The following SKAP2 variants were observed in gnomAD, a reference collection of about 807,000 sequenced individuals.
The protein encoded by SKAP2 is src kinase-associated phosphoprotein 2.
In SKAP2, 28 loss-of-function variants were observed where a neutral mutation model predicts 54.9. The ratio of observed to expected loss-of-function variants is 0.51; its 90% CI spans 0.38 to 0.70. The LOEUF (loss-of-function observed/expected upper bound fraction) is 0.70. Ranked by LOEUF, SKAP2 falls within the 30% of genes least tolerant of loss-of-function variation. The pLI, the probability that SKAP2 is intolerant of heterozygous loss-of-function variation, is 0.00. For synonymous variants in SKAP2, 137 were observed against 134.3 expected (o/e 1.02, Z -0.14); for missense variants, 356 against 424.1 (o/e 0.84, Z 1.41).
chr7:26,718,802 C>A (rs1326205698), intron 9 of SKAP2, among the ~76,000 whole-genome samples: 1 of 152,146 alleles, frequency 6.6e-6, no homozygotes, highest in East Asian at 1.9e-4. Context: ...CTGCACCCAG[C>A]CCCACTTTTT....
chr7:26,686,365 G>A (rs212852), intron 10 of SKAP2, among the ~76,000 whole-genome samples: 78,692 of 151,696 alleles, frequency 0.52, 21,661 homozygotes, highest in East Asian at 0.88. Flanking sequence ...GAGAAAGGAG[G>A]AGGCAGTGGG....
chr7:26,767,706 AT>A (rs1405018026), intron 4 of SKAP2, among the ~76,000 whole-genome samples: 1 of 152,048 alleles, frequency 6.6e-6, no homozygotes, highest in Admixed American at 6.5e-5. Flanking sequence ...TTCTGCCTTA[AT>A]TTCGTTATTT....
At chr7:26,674,648 A>AC (rs1365036787) in intron 11 of SKAP2, among the ~76,000 whole-genome samples, 2 of 152,188 alleles carry the variant, frequency 1.3e-5, no homozygotes, top group African/African-American at 4.8e-5. Flanking sequence ...CTGATTGAAG[A>AC]CACTAAGTTC....
At chr7:26,862,438 C>A (rs1785288778) in intron 1 of SKAP2, among the ~76,000 whole-genome samples, 1 of 143,338 alleles carries the variant, frequency 7.0e-6, no homozygotes, top group African/African-American at 2.5e-5. Context: ...ATTTCCAATT[C>A]CAAAAGTTTT....
At chr7:26,682,015 A>T (rs1477867125) in intron 11 of SKAP2, among the ~76,000 whole-genome samples, 2 of 152,194 alleles carry the variant, frequency 1.3e-5, no homozygotes, top group African/African-American at 4.8e-5. Context: ...CGTAAAAAAA[A>T]ACAGAAAGGT....
At chr7:26,823,945 GACA>G (rs1784436622) in intron 4 of SKAP2, among the ~76,000 whole-genome samples, 2 of 152,202 alleles carry the variant, frequency 1.3e-5, no homozygotes, top group Non-Finnish European at 2.9e-5. Context: ...CTGTTGAAAT[GACA>G]ACAATTAATT....
In SKAP2 at chr7:26,688,820, C is replaced by G. The variant is rs138202610; in HGVS notation, c.874+1465G>C. Among the ~76,000 whole-genome samples the G allele has an allele frequency of 4.8e-3, 724 of 152,186 alleles. 6 individuals carry two copies. Among genetic ancestry groups the G allele is most frequent in the African/African-American group, 0.017 (696 of 41,514 alleles). On this transcript the variant is annotated intron_variant, in intron 10 of 12. Coordinates refer to ENST00000345317, the MANE Select transcript of SKAP2 (RefSeq NM_003930.5). Reference sequence around the variant, plus strand: ...AAAATATTTGTATCTGTGGAAGAACCATCTGTATGTATCCACTTTCTATAC... The same window carrying G: ...AAAATATTTGTATCTGTGGAAGAACGATCTGTATGTATCCACTTTCTATAC...
chr7:26,795,747 A>C (rs1459041182), intron 4 of SKAP2, among the ~76,000 whole-genome samples: 1 of 152,208 alleles, frequency 6.6e-6, no homozygotes, highest in Non-Finnish European at 1.5e-5. Context: ...GAAACTTAGT[A>C]AGTCACTTAA....
At chr7:26,663,846 A>T (rs1305861924), downstream of SKAP2, among the ~76,000 whole-genome samples, 2 of 151,834 alleles carry the variant, frequency 1.3e-5, no homozygotes, top group African/African-American at 4.8e-5. Flanking sequence ...TTGACTTCCT[A>T]TTTTCATCTG....
chr7:26,858,731 C>A (rs1785224000), intron 1 of SKAP2, among the ~76,000 whole-genome samples: 1 of 152,102 alleles, frequency 6.6e-6, no homozygotes, highest in Non-Finnish European at 1.5e-5. Context: ...CTACACAGAT[C>A]ACATAGTGAA....
chr7:26,659,451 C>T, the SKAP2 span, among the ~76,000 whole-genome samples: 1 of 152,068 alleles, frequency 6.6e-6, no homozygotes, highest in Non-Finnish European at 1.5e-5. Flanking sequence ...AAAACACCAA[C>T]ACATAAAAAT....
intron 4 of SKAP2, among the ~76,000 whole-genome samples, chr7:26,787,830 C>T (rs575286467): frequency 6.6e-6 from 1 of 152,210 alleles, no homozygotes; most frequent in African/African-American, 2.4e-5. Context: ...CCCATCAGGC[C>T]CCACCTCTAA....
At chr7:26,730,006 G>A (rs1413601891) in intron 6 of SKAP2, among the ~76,000 whole-genome samples, 1 of 152,050 alleles carries the variant, frequency 6.6e-6, no homozygotes, top group Admixed American at 6.6e-5. Flanking sequence ...AGGGATATGG[G>A]CCCAGAAAGG....
intron 11 of SKAP2, among the ~76,000 whole-genome samples, chr7:26,674,934 G>A (rs755099557): frequency 3.3e-5 from 5 of 152,074 alleles, no homozygotes; most frequent in Non-Finnish European, 7.4e-5. Context: ...CTGGTGATTC[G>A]CAGATAATGT....
intron 6 of SKAP2, among the ~76,000 whole-genome samples, chr7:26,735,904 G>C (rs1451954489): frequency 6.6e-6 from 1 of 151,982 alleles, no homozygotes; most frequent in Non-Finnish European, 1.5e-5. Flanking sequence ...AGAGGAACTG[G>C]CTAAAAATTT....
intron 3 of SKAP2, among the ~76,000 whole-genome samples, chr7:26,851,458 T>C (rs1785041228): frequency 6.6e-6 from 1 of 151,728 alleles, no homozygotes. Flanking sequence ...CAGCAAACTA[T>C]TGCAAGGACA....
chr7:26,728,040 A>ATGTTAGG lies in SKAP2; in HGVS notation c.470-1041_470-1035dup, dbSNP rs374676470. Among the ~76,000 whole-genome samples the ATGTTAGG allele has an allele frequency of 4.7e-3, 712 of 152,296 alleles. 6 individuals carry two copies. Among genetic ancestry groups the ATGTTAGG allele is most frequent in the African/African-American group, 0.016 (672 of 41,570 alleles). On this transcript the variant is annotated intron_variant, in intron 6 of 12. Transcript: ENST00000345317. Reference sequence around the variant, plus strand: ...GTTAAATGCCTAAAGTAACTAACATATGTTAGGTCATAGAGATTATATCTT... The same window carrying ATGTTAGG: ...GTTAAATGCCTAAAGTAACTAACATATGTTAGGTGTTAGGTCATAGAGATTATATCTT...
intron 11 of SKAP2, among the ~76,000 whole-genome samples, chr7:26,683,216 G>T (rs1444551877): frequency 6.6e-6 from 1 of 152,212 alleles, no homozygotes; most frequent in Non-Finnish European, 1.5e-5. Context: ...CTTGACAGGA[G>T]CTGAAACTAA....
At chr7:26,732,914 A>G (rs991951283) in intron 6 of SKAP2, among the ~76,000 whole-genome samples, 4 of 152,226 alleles carry the variant, frequency 2.6e-5, no homozygotes, top group Non-Finnish European at 5.9e-5. Context: ...AAATCCTACT[A>G]AACATCAGAT....
Sources: allele counts gnomAD v4.1 joint callset (sites outside exome capture counted in the v4.1 genomes callset), GRCh38; gene constraint gnomAD v4.1.1; transcripts MANE v1.5; gene names NCBI Gene and HGNC (gene_info 2026-07-23, HGNC 2026-07-21).